The following PI4KA variants were observed in gnomAD, a reference collection of about 807,000 sequenced individuals.
PI4KA encodes the protein PI4-kinase alpha.
PI4KA carries 122 observed loss-of-function variants against 271.4 expected under a neutral mutation model. The observed-to-expected ratio is 0.45, with a 90% CI of 0.39 to 0.52. The LOEUF is 0.52. Ranked by LOEUF, PI4KA falls within the 20% of genes least tolerant of loss-of-function variation. The pLI is 0.00. For missense variants in PI4KA, 1,969 were observed against 2,769.1 expected (o/e 0.71, Z 6.48); for synonymous variants, 1,041 against 1,078.8 (o/e 0.96, Z 0.69).
In PI4KA at chr22:20,751,690, G is replaced by A; in HGVS notation, c.3053C>T (p.Ser1018Leu). The A allele has an allele frequency of 6.2e-7, 1 of 1,614,036 alleles. No homozygotes were observed. The highest frequency in any genetic ancestry group is 8.5e-7 in the Non-Finnish European group (1 of 1,179,882). ...GACACTCACAGCGCTCAGTGACAGT[G>A]ACAGGGTCTGCAGGATGTCCAGCAT... ...KTMLDILQTL[S>L]LSLSADIHKD... The change falls in exon 26 of 55, where the codon TCA becomes TTA. Residue 1018 changes from serine (S) to leucine (L), a missense_variant. Around this residue, in one of 13 missense-constraint regions of PI4KA, gnomAD observed 368 missense variants for 544.3 expected, o/e 0.68. Transcript: ENST00000255882.
At chr22:20,822,224 T>G (rs1162688532) in intron 4 of PI4KA, among the ~76,000 whole-genome samples, 1 of 152,034 alleles carries the variant, frequency 6.6e-6, no homozygotes, top group Non-Finnish European at 1.5e-5. Context: ...TTTATTTTTA[T>G]TTTTGTAGGG....
At position 20,707,830 on chromosome 22, in the gene PI4KA, T is replaced by C; in HGVS notation, c.*217A>G. On this transcript the variant is annotated 3_prime_UTR_variant, in exon 55 of 55. Transcript: ENST00000255882. ...CCAGTGCAAACAGAGGACTCACACC[T>C]GTGCATAGACAGCACCATCCATTGA... is the stretch of plus-strand genomic sequence containing the variant. 1 of 640,918 alleles carries C rather than the reference T, an allele frequency of 1.6e-6. No homozygotes were observed. The highest frequency in any genetic ancestry group is 2.9e-6 in the Non-Finnish European group (1 of 350,162). The allele number at this position is 640,918 out of a possible 1,614,324, so 39.7% of individuals were successfully genotyped here. A position where few individuals can be genotyped will look rare whatever the true frequency, so the allele number is the denominator to read the frequency against.
chr22:20,743,036 T>C, intron 30 of PI4KA: 3 of 489,620 alleles, frequency 6.1e-6, no homozygotes, highest in South Asian at 2.5e-5. Context: ...TCCCTCATCA[T>C]TGTACCCAGC....
Position 20,813,375 on chromosome 22 carries a change from G to A in PI4KA, c.988C>T (p.Arg330Trp), listed in dbSNP as rs375630332. 33 of 1,613,422 alleles carry A rather than the reference G, an allele frequency of 2.0e-5. No homozygotes were observed. Among genetic ancestry groups the A allele is most frequent in the East Asian group, 4.5e-5 (2 of 44,892 alleles). ...KEFNIPLEML[R>W]ELLNLVKKIV... ...TTGCTTACCAGGTTTAAGAGTTCCC[G>A]AAGCATTTCCAATGGAATGTTAAAC... is the stretch of plus-strand genomic sequence containing the variant. The change falls in exon 8 of 55, where the codon CGG (arginine) becomes TGG (tryptophan). Residue 330 changes from arginine to tryptophan, a missense_variant. Physicochemically the swap from Arg to Trp is moderately radical, Grantham distance 101 (BLOSUM62 -3). Coordinates refer to ENST00000255882, the MANE Select transcript of PI4KA (RefSeq NM_058004.4).
intron 47 of PI4KA, among the ~76,000 whole-genome samples, chr22:20,713,980 G>A (rs1925660143): frequency 6.6e-6 from 1 of 152,202 alleles, no homozygotes; most frequent in Non-Finnish European, 1.5e-5. Context: ...GTCCTTCAAG[G>A]GAGATCATCA....
intron 6 of PI4KA, 97 bp from the exon 7 acceptor site, chr22:20,818,646 T>TA: frequency 1.2e-6 from 1 of 867,964 alleles, no homozygotes; most frequent in Non-Finnish European, 1.7e-6. Context: ...CCAATGTTTG[T>TA]ACTTCAAGTT....
intron 42 of PI4KA, 139 bp from the exon 43 acceptor site, chr22:20,721,557 C>G: frequency 1.2e-6 from 1 of 837,052 alleles, no homozygotes; most frequent in Non-Finnish European, 1.9e-6. Flanking sequence ...GACAAGCTCT[C>G]CAGGATTGAT....
In PI4KA at chr22:20,796,187, G is replaced by A. The variant is rs1202099178; in HGVS notation, c.2236C>T (p.Arg746Ter). 7 of 1,613,852 alleles carry A rather than the reference G, an allele frequency of 4.3e-6. No homozygotes were observed. Among genetic ancestry groups the A allele is most frequent in the East Asian group, 4.5e-5 (2 of 44,876 alleles). Residue 746 changes from arginine to a stop codon, truncating the protein, a stop_gained, in exon 18 of 55, where the codon CGA becomes TGA. Transcript: ENST00000255882. LOFTEE classifies it high-confidence loss of function. ...LFVQLGLEGK[R>*]ASERASEKGP... ...TTCTCGCTTGCCCTCTCGCTGGCTCGCTTCCCCTCCAGCCCCAGCTGCACA... is the reference window on the plus strand; with the variant it reads ...TTCTCGCTTGCCCTCTCGCTGGCTCACTTCCCCTCCAGCCCCAGCTGCACA...
At chr22:20,797,691 G>A (rs958244861) in intron 17 of PI4KA, among the ~76,000 whole-genome samples, 10 of 152,172 alleles carry the variant, frequency 6.6e-5, no homozygotes, top group Non-Finnish European at 1.0e-4. Flanking sequence ...TTTGGCAGAT[G>A]AGGAAACTGA....
At chr22:20,803,564 G>A (rs190885743) in intron 12 of PI4KA, among the ~76,000 whole-genome samples, 17 of 152,188 alleles carry the variant, frequency 1.1e-4, no homozygotes, top group African/African-American at 3.4e-4. Context: ...TCTCGCTGTC[G>A]CCCAGGCTGG....
At chr22:20,763,015 T>C (rs1932133243) in intron 22 of PI4KA, among the ~76,000 whole-genome samples, 1 of 9,412 alleles carries the variant, frequency 1.1e-4, no homozygotes, top group African/African-American at 9.6e-4. Flanking sequence ...TGCTTTTTTT[T>C]TTGGGGGGGG....
intron 1 of PI4KA, among the ~76,000 whole-genome samples, chr22:20,845,326 T>C (rs1216690158): frequency 6.6e-6 from 1 of 152,104 alleles, no homozygotes; most frequent in African/African-American, 2.4e-5. Context: ...CAGAGGGTAT[T>C]TGTAAGGTAT....
intron 36 of PI4KA, among the ~76,000 whole-genome samples, chr22:20,731,812 C>A (rs981515100): frequency 6.6e-5 from 10 of 151,858 alleles, no homozygotes; most frequent in Admixed American, 1.3e-4. Context: ...GCCTGTAGTC[C>A]CAGCTACTTG....
intron 38 of PI4KA, 41 bp from the exon 39 acceptor site, chr22:20,729,547 G>C (rs909652340): frequency 1.7e-5 from 27 of 1,553,296 alleles, no homozygotes; most frequent in Non-Finnish European, 2.0e-5. Flanking sequence ...CACCCCTTCT[G>C]TGAGTGCCCA....
In PI4KA at chr22:20,813,461, A is replaced by G; in HGVS notation, c.902T>C (p.Phe301Ser). The G allele has an allele frequency of 6.2e-7, 1 of 1,614,020 alleles. No homozygotes were observed. Residue 301 changes from phenylalanine to serine, a missense_variant, in exon 8 of 55, where the codon TTT becomes TCT. Around this residue, in one of 13 missense-constraint regions of PI4KA, gnomAD observed 540 missense variants for 555.5 expected, o/e 0.97. Transcript: ENST00000255882. Reference sequence around the variant, plus strand: ...TGAGAAGCTGGAGCTGATGGTTGAAAAGTAGTACTCAGGCTCTAGGGCAGT... The same window carrying G: ...TGAGAAGCTGGAGCTGATGGTTGAAGAGTAGTACTCAGGCTCTAGGGCAGT... ...DGTALEPEYY[F>S]STISSSFSVS...
chr22:20,805,871 A>G (rs946381622), intron 10 of PI4KA, among the ~76,000 whole-genome samples: 6 of 151,982 alleles, frequency 3.9e-5, no homozygotes, highest in African/African-American at 1.4e-4. Flanking sequence ...GTTGTCAGAT[A>G]AGGGCAAAAA....
Position 20,751,764 on chromosome 22 carries a change from A to G in PI4KA, c.2988-9T>C. On this transcript the variant is annotated splice_polypyrimidine_tract_variant and intron_variant, in intron 25 of 54. Transcript: ENST00000255882. ...AGAGCAAGTGGGGAAACCTGCACCAAGAGCCAGCTCTCAGGACCAAGAGCC... is the reference window on the plus strand; with the variant it reads ...AGAGCAAGTGGGGAAACCTGCACCAGGAGCCAGCTCTCAGGACCAAGAGCC... 1.2e-6 allele frequency: 2 copies of G among 1,613,478 alleles called. No homozygotes were observed. Among genetic ancestry groups the G allele is most frequent in the Non-Finnish European group, 1.7e-6 (2 of 1,179,444 alleles).
At chr22:20,854,248 G>C (rs1429177626) in intron 1 of PI4KA, among the ~76,000 whole-genome samples, 1 of 151,744 alleles carries the variant, frequency 6.6e-6, no homozygotes, top group Non-Finnish European at 1.5e-5. Context: ...AGCCTCCCAA[G>C]TAGCTGGGAT....
intron 23 of PI4KA, among the ~76,000 whole-genome samples, chr22:20,760,506 T>TA (rs1336836760): frequency 6.6e-6 from 1 of 152,160 alleles, no homozygotes; most frequent in Non-Finnish European, 1.5e-5. Flanking sequence ...TTTTGCAATT[T>TA]AAAAAAATTA....
Sources: gnomAD v4.1 joint callset for allele counts (sites outside exome capture counted in the v4.1 genomes callset) on GRCh38, gnomAD v4.1.1 for gene constraint, gnomAD v4.1.1 regional missense constraint, MANE v1.5 for transcripts, NCBI Gene and HGNC (gene_info 2026-07-23, HGNC 2026-07-21) for gene names.